CBLB: variants seen among roughly 807,000 people sequenced by gnomAD.
CBLB encodes E3 ubiquitin-protein ligase CBL-B.
A neutral mutation model predicts 104.9 loss-of-function variants in CBLB; 31 were observed. The observed-to-expected ratio is 0.30, with a 90% CI of 0.22 to 0.40. The LOEUF (loss-of-function observed/expected upper bound fraction) is 0.40. Among genes scored for constraint, CBLB ranks in the 10% least tolerant of loss-of-function variants. The pLI is 1.00. For missense variants in CBLB, 1,062 were observed against 1,214.6 expected (o/e 0.87, Z 1.87); for synonymous variants, 440 against 422.6 (o/e 1.04, Z -0.51).
intron 5 of CBLB, among the ~76,000 whole-genome samples, chr3:105,748,553 G>C (rs2076319713): frequency 6.6e-6 from 1 of 152,176 alleles, no homozygotes; most frequent in African/African-American, 2.4e-5. Flanking sequence ...AGAAGGAAGG[G>C]AGAAGCAAAA....
intron 9 of CBLB, among the ~76,000 whole-genome samples, chr3:105,727,583 T>A (rs147450729): frequency 0.017 from 2,581 of 152,318 alleles, 32 homozygotes; most frequent in South Asian, 0.025. Context: ...TTTGTTGCCA[T>A]TGCTTTTAGT....
intron 2 of CBLB, among the ~76,000 whole-genome samples, chr3:105,854,302 G>C (rs1049216236): frequency 2.6e-5 from 4 of 152,148 alleles, no homozygotes; most frequent in African/African-American, 9.7e-5. Flanking sequence ...GGCGTTCAGG[G>C]GCTGCCTGCA....
intron 18 of CBLB, among the ~76,000 whole-genome samples, chr3:105,665,015 T>C (rs1284643340): frequency 6.6e-6 from 1 of 152,164 alleles, no homozygotes; most frequent in Non-Finnish European, 1.5e-5. Flanking sequence ...CTGAAACTGA[T>C]GTAAATTCTA....
At chr3:105,675,795 G>A (rs1415877646) in intron 17 of CBLB, among the ~76,000 whole-genome samples, 1 of 145,062 alleles carries the variant, frequency 6.9e-6, no homozygotes, top group Non-Finnish European at 1.5e-5. Context: ...AGAGGCAGGA[G>A]AATCACTTGA....
intron 2 of CBLB, among the ~76,000 whole-genome samples, chr3:105,854,605 T>G (rs79279161): frequency 6.6e-6 from 1 of 151,802 alleles, no homozygotes; most frequent in Non-Finnish European, 1.5e-5. Flanking sequence ...TTTTTTTTTT[T>G]GTCAAATTGT....
At chr3:105,745,564 A>G (rs1373161350) in intron 6 of CBLB, among the ~76,000 whole-genome samples, 3 of 152,206 alleles carry the variant, frequency 2.0e-5, no homozygotes, top group Non-Finnish European at 1.5e-5. Flanking sequence ...AGCCTAAATG[A>G]ATGTCTTAAA....
intron 13 of CBLB, among the ~76,000 whole-genome samples, chr3:105,689,497 C>A (rs1023340547): frequency 6.8e-6 from 1 of 147,734 alleles, no homozygotes; most frequent in South Asian, 2.1e-4. Flanking sequence ...GGCACACACA[C>A]AAAAAAAATT....
chr3:105,863,396 G>A (rs906097124), intron 2 of CBLB, among the ~76,000 whole-genome samples: 1 of 152,200 alleles, frequency 6.6e-6, no homozygotes, highest in Non-Finnish European at 1.5e-5. Context: ...AACAACTTCA[G>A]TGAGGAAAAG....
chr3:105,812,700 A>G (rs1577417917), intron 3 of CBLB, among the ~76,000 whole-genome samples: 1 of 152,174 alleles, frequency 6.6e-6, no homozygotes, highest in African/African-American at 2.4e-5. Flanking sequence ...GAAGGGCTAG[A>G]CTCAGGAAGA....
intron 3 of CBLB, among the ~76,000 whole-genome samples, chr3:105,779,633 C>T (rs1451206689): frequency 6.6e-6 from 1 of 151,086 alleles, no homozygotes. Context: ...GCAATCGACA[C>T]CAAGGTATGA....
chr3:105,703,230 T>C (rs1422174015), intron 11 of CBLB, among the ~76,000 whole-genome samples: 2 of 152,180 alleles, frequency 1.3e-5, no homozygotes, highest in Non-Finnish European at 2.9e-5. Context: ...ATCTGTTGTG[T>C]TTACATAATT....
At chr3:105,680,545 G>A (rs1214111171) in intron 16 of CBLB, among the ~76,000 whole-genome samples, 1 of 152,202 alleles carries the variant, frequency 6.6e-6, no homozygotes, top group East Asian at 1.9e-4. Context: ...GAGAAAGACT[G>A]TAGGTAACAG....
In CBLB at chr3:105,655,546, GAATAA is replaced by G. The variant is rs2063283611; in HGVS notation, c.*3419_*3423del. ...ATAATAACCAGAATTGAAAAGGAATGAATAAAATATAAATTAATTGAACATATGAC... is the reference window on the plus strand; with the variant it reads ...ATAATAACCAGAATTGAAAAGGAATGAATATAAATTAATTGAACATATGAC... On this transcript the variant is annotated 3_prime_UTR_variant, in exon 19 of 19. Transcript: ENST00000394030. 5.6e-6 allele frequency: 1 copy of G among 178,518 alleles called. No individual in the cohort carries two copies. The highest frequency in any genetic ancestry group is 6.3e-5 in the Admixed American group (1 of 15,842). 11.1% of individuals were successfully genotyped at this position (178,518 alleles called of 1,614,324 possible).
Position 105,666,100 on chromosome 3 carries a change from C to T in CBLB, c.2689+4133G>A, listed in dbSNP as rs79921145. Among the ~76,000 whole-genome samples the T allele has an allele frequency of 5.7e-4, 87 of 151,792 alleles. 2 individuals carry two copies. In the East Asian group the frequency reaches 0.016, roughly 28 times the overall value. ...AGGACTATAGTAAATGCTTAACAAA[C>T]TTAACGAATTTTAATTAGACAAAAT... On this transcript the variant is annotated intron_variant, in intron 18 of 18. Transcript: ENST00000394030.
intron 4 of CBLB, among the ~76,000 whole-genome samples, chr3:105,759,532 C>A (rs1041580459): frequency 5.3e-5 from 8 of 152,192 alleles, no homozygotes; most frequent in African/African-American, 1.9e-4. Flanking sequence ...CTCAGCCCAA[C>A]CCCGTCGGCC....
intron 3 of CBLB, among the ~76,000 whole-genome samples, chr3:105,801,017 T>C (rs1270720057): frequency 6.6e-6 from 1 of 151,780 alleles, no homozygotes; most frequent in Non-Finnish European, 1.5e-5. Context: ...AAAAAAAAAA[T>C]CTCGGGAAGA....
At chr3:105,746,936 G>A (rs1370668818) in intron 5 of CBLB, among the ~76,000 whole-genome samples, 1 of 152,214 alleles carries the variant, frequency 6.6e-6, no homozygotes, top group Admixed American at 6.5e-5. Context: ...AAAGGCTAGT[G>A]TTAACACTAC....
intron 3 of CBLB, among the ~76,000 whole-genome samples, chr3:105,848,853 C>A (rs1158350510): frequency 1.3e-5 from 2 of 152,070 alleles, no homozygotes; most frequent in Non-Finnish European, 2.9e-5. Flanking sequence ...CAGTAACCAG[C>A]GTTGTCATAC....
intron 3 of CBLB, among the ~76,000 whole-genome samples, chr3:105,789,439 A>G (rs1437424579): frequency 1.3e-5 from 2 of 152,188 alleles, no homozygotes; most frequent in East Asian, 3.8e-4. Flanking sequence ...TTTAGAAAAA[A>G]TTTGTACTAT....
Sources: allele counts gnomAD v4.1 joint callset (sites outside exome capture counted in the v4.1 genomes callset), GRCh38; gene constraint gnomAD v4.1.1; transcripts MANE v1.5; gene names NCBI Gene and HGNC (gene_info 2026-07-23, HGNC 2026-07-21).